The following KCNU1 variants were observed in gnomAD, a reference collection of about 807,000 sequenced individuals.
KCNU1 encodes the protein potassium channel subfamily U member 1.
In KCNU1, 93 loss-of-function variants were observed where a neutral mutation model predicts 126.8. The ratio of observed to expected loss-of-function variants is 0.73; its 90% CI spans 0.62 to 0.87. KCNU1 has a LOEUF of 0.87. KCNU1 is among the 40% of genes least tolerant of loss of function. The pLI is 0.00. For missense variants in KCNU1, 1,330 were observed against 1,367.1 expected (o/e 0.97, Z 0.43); for synonymous variants, 523 against 494.2 (o/e 1.06, Z -0.77).
intron 18 of KCNU1, among the ~76,000 whole-genome samples, chr8:36,848,793 C>G (rs1805240815): frequency 6.6e-6 from 1 of 152,046 alleles, no homozygotes; most frequent in African/African-American, 2.4e-5. Context: ...GGAAGCATCT[C>G]TCTCATTTTT....
chr8:36,862,941 G>C (rs79646483), intron 18 of KCNU1, among the ~76,000 whole-genome samples: 1 of 152,116 alleles, frequency 6.6e-6, no homozygotes, highest in African/African-American at 2.4e-5. Context: ...ATTTTACTTC[G>C]GGTGTTCCCT....
At chr8:36,867,140 T>C (rs1805940126) in intron 19 of KCNU1, among the ~76,000 whole-genome samples, 1 of 152,136 alleles carries the variant, frequency 6.6e-6, no homozygotes, top group African/African-American at 2.4e-5. Flanking sequence ...AATCAGTTAA[T>C]CAATCAGAAG....
chr8:36,812,308 A>G (rs141422739), intron 7 of KCNU1, among the ~76,000 whole-genome samples: 23,706 of 148,386 alleles, frequency 0.16, 2,067 homozygotes, highest in Admixed American at 0.29. Context: ...TGAGCCCAGG[A>G]GGTGGAGGTT....
In KCNU1 at chr8:36,935,957, C is replaced by T; in HGVS notation, c.*37C>T. Reference sequence around the variant, plus strand: ...TTCTTCACGTGCTCTTAACTTGCTGCTTACAAATCATCTCCTGAGATGCTA... The same window carrying T: ...TTCTTCACGTGCTCTTAACTTGCTGTTTACAAATCATCTCCTGAGATGCTA... On this transcript the variant is annotated 3_prime_UTR_variant, in exon 27 of 27. Coordinates refer to ENST00000399881, the MANE Select transcript of KCNU1 (RefSeq NM_001031836.3). 1.3e-6 allele frequency: 2 copies of T among 1,492,244 alleles called. No individual in the cohort carries two copies. The highest frequency in any genetic ancestry group is 1.8e-6 in the Non-Finnish European group (2 of 1,113,662). The allele number at this position is 1,492,244 out of a possible 1,614,324, so 92.4% of individuals were successfully genotyped here.
In KCNU1 at chr8:36,930,968, T is replaced by C; in HGVS notation, c.2754T>C (p.His918=). Residue 918 remains histidine (H), a synonymous_variant, in exon 25 of 27, where the codon CAT becomes CAC. Transcript: ENST00000399881. ...TTTTCCAGGCCTTCTACAATTATCA[T>C]GTCCTGGAATTGCTTCAGATGCTGG... The part of the protein sequence containing the change: ...SLLATAFYNY[H]VLELLQMLVT... 2.5e-6 allele frequency: 4 copies of C among 1,606,874 alleles called. No homozygotes were observed. Among genetic ancestry groups the C allele is most frequent in the Non-Finnish European group, 3.4e-6 (4 of 1,176,670 alleles).
At chr8:36,846,631 G>A (rs959910336) in intron 18 of KCNU1, among the ~76,000 whole-genome samples, 1 of 151,898 alleles carries the variant, frequency 6.6e-6, no homozygotes, top group Non-Finnish European at 1.5e-5. Context: ...GTGAAACCTC[G>A]TCTCTACTAA....
chr8:36,824,099 A>C (rs1163141788), intron 10 of KCNU1, among the ~76,000 whole-genome samples: 1 of 152,114 alleles, frequency 6.6e-6, no homozygotes, highest in Non-Finnish European at 1.5e-5. Flanking sequence ...TACCTCCCAA[A>C]GTACTGGGAT....
Position 36,850,216 on chromosome 8 carries a change from A to T in KCNU1, c.1891+4317A>T, listed in dbSNP as rs1342255347. The stretch of plus-strand genomic sequence containing the variant: ...ATATATTCTAAATACATAGTCCCTT[A>T]TCAGATGTATGATTGGCAAATATTT... On this transcript the variant is annotated intron_variant, in intron 18 of 26. Transcript: ENST00000399881. 2.6e-5 allele frequency among the ~76,000 whole-genome samples: 4 copies of T among 152,088 alleles called. No individual in the cohort carries two copies. The East Asian group carries it at 7.7e-4, about 29-fold the overall frequency.
intron 19 of KCNU1, among the ~76,000 whole-genome samples, chr8:36,876,168 T>A (rs892737255): frequency 3.9e-5 from 6 of 152,234 alleles, no homozygotes; most frequent in Admixed American, 6.5e-5. Context: ...TCGATTTCCA[T>A]CATGCATCCC....
At position 36,804,079 on chromosome 8, in the gene KCNU1, A is replaced by G. The variant is rs779059100; in HGVS notation, c.368A>G (p.Asn123Ser). 5.8e-6 allele frequency: 9 copies of G among 1,554,626 alleles called. No individual in the cohort carries two copies. In the East Asian group the frequency reaches 1.2e-4, roughly 20 times the overall value. ...GGGTCTCTTATAATCTATTTCATCA[A>G]TTCTGCTGAGTGAGTACAATGTCCA... ...SIGSLIIYFI[N>S]SADPVGSCSS... The change falls in exon 3 of 27, where the codon AAT becomes AGT. Residue 123 changes from asparagine (N) to serine (S), a missense_variant. Physicochemically the swap from Asn to Ser is conservative, Grantham distance 46. Transcript: ENST00000399881.
rs1025055390 is a variant in KCNU1 at position 36,905,588 on chromosome 8, G to A, written c.2010-120G>A. On this transcript the variant is annotated intron_variant, in intron 19 of 26. Transcript: ENST00000399881. ...TATTCTAGAGTCTTACAGACCTGAG[G>A]TCATTCTACTTATGCTATTCTCCTC... 5 of 695,624 alleles carry A rather than the reference G, an allele frequency of 7.2e-6. No homozygotes were observed. In the African/African-American group the frequency reaches 8.8e-5, roughly 12 times the overall value. 43.1% of individuals were successfully genotyped at this position (695,624 alleles called of 1,614,324 possible). A position where few individuals can be genotyped will look rare whatever the true frequency, so the allele number is the denominator to read the frequency against.
intron 19 of KCNU1, among the ~76,000 whole-genome samples, chr8:36,889,717 A>G (rs1347833888): frequency 6.6e-6 from 1 of 152,148 alleles, no homozygotes; most frequent in Non-Finnish European, 1.5e-5. Context: ...GTTTGAAGTA[A>G]TAGTAGCTGA....
At position 36,935,658 on chromosome 8, in the gene KCNU1, CACAGACA is replaced by C. The variant is rs745815331; in HGVS notation, c.3194_3200del (p.Thr1065ArgfsTer39). On this transcript the variant is annotated frameshift_variant, in exon 27 of 27. Coordinates refer to ENST00000399881, the MANE Select transcript of KCNU1 (RefSeq NM_001031836.3). LOFTEE classifies it low-confidence loss of function (END_TRUNC). ...TCATATGAAATTGTAAATAAAGCAT[CACAGACA>C]ACAGAGACACATTCAGACACAAATT... is the stretch of plus-strand genomic sequence containing the variant. 3 of 1,613,438 alleles carry C rather than the reference CACAGACA, an allele frequency of 1.9e-6. No homozygotes were observed. Among genetic ancestry groups the C allele is most frequent in the Non-Finnish European group, 8.5e-7 (1 of 1,179,548 alleles).
At position 36,931,044 on chromosome 8, in the gene KCNU1, G is replaced by C. The variant is rs761967773; in HGVS notation, c.2830G>C (p.Val944Leu). The change falls in exon 25 of 27, where the codon GTC becomes CTC. Residue 944 changes from valine to leucine, a missense_variant. Physicochemically the swap from Val to Leu is conservative, Grantham distance 32 (BLOSUM62 1). This residue lies in a region of KCNU1 where 1,054 missense variants were observed against 1,053.9 expected (regional missense o/e 1.00). Transcript: ENST00000399881. ...GGAACAACATTTAGATAAGGATAAA[G>C]TCTATGGTGTGGCAGATAGCTGCAC... ...QLEQHLDKDK[V>L]YGVADSCTSL... The C allele has an allele frequency of 1.1e-4, 174 of 1,611,754 alleles. No homozygotes were observed. Among genetic ancestry groups the C allele is most frequent in the Non-Finnish European group, 1.5e-4 (171 of 1,178,864 alleles).
chr8:36,819,188 T>G (rs1287997390), intron 10 of KCNU1, among the ~76,000 whole-genome samples: 2 of 152,168 alleles, frequency 1.3e-5, no homozygotes, highest in Admixed American at 6.5e-5. Context: ...CATCTTCTCT[T>G]AGACATTCTC....
At chr8:36,888,544 G>T (rs1185315352) in intron 19 of KCNU1, 1 of 533,172 alleles carries the variant, frequency 1.9e-6, no homozygotes, top group Non-Finnish European at 3.9e-6. Context: ...AGATCTGGGA[G>T]ATCACAAATG....
chr8:36,801,490 G>C (rs892745295), intron 2 of KCNU1, among the ~76,000 whole-genome samples: 2 of 150,756 alleles, frequency 1.3e-5, no homozygotes, highest in African/African-American at 2.4e-5. Context: ...GGGTTGGGGG[G>C]GTTGTAAACG....
chr8:36,792,715 G>A (rs1270842287), intron 2 of KCNU1, among the ~76,000 whole-genome samples: 1 of 152,048 alleles, frequency 6.6e-6, no homozygotes, highest in Non-Finnish European at 1.5e-5. Flanking sequence ...GCTGTCTATA[G>A]ATTTCAATAA....
At chr8:36,787,629 AC>A (rs1802755194) in intron 2 of KCNU1, among the ~76,000 whole-genome samples, 1 of 150,078 alleles carries the variant, frequency 6.7e-6, no homozygotes, top group Non-Finnish European at 1.5e-5. Context: ...TGGAATGAAT[AC>A]GATTACTAAT....
Sources: allele counts gnomAD v4.1 joint callset (sites outside exome capture counted in the v4.1 genomes callset), GRCh38; gene constraint gnomAD v4.1.1; regional missense constraint gnomAD v4.1.1; transcripts MANE v1.5; gene names NCBI Gene and HGNC (gene_info 2026-07-23, HGNC 2026-07-21).